Variants in E2F3 observed in about 807,000 individuals in gnomAD.
E2F3 encodes transcription factor E2F3.
E2F3 carries 11 observed loss-of-function variants against 44.4 expected under a neutral mutation model. The observed-to-expected ratio is 0.25, with a 90% confidence interval of 0.16 to 0.41. The LOEUF (loss-of-function observed/expected upper bound fraction) is 0.41, where lower values mean the gene tolerates loss of function less well. Among genes scored for constraint, E2F3 ranks in the 10% least tolerant of loss-of-function variants. E2F3 has a pLI of 1.00. For missense variants in E2F3, 487 were observed against 583.6 expected, an observed-to-expected ratio of 0.83 and a Z score of 1.70; for synonymous variants, 249 against 253.0, an observed-to-expected ratio of 0.98 and a Z score of 0.15.
At chr6:20,425,754 C>T (rs1760196481) in intron 1 of E2F3, among the ~76,000 whole-genome samples, 1 of 152,170 alleles carries the variant, frequency 6.6e-6, no homozygotes. Flanking sequence ...AGTGGAGGAA[C>T]AGAGGTCTCA....
intron 1 of E2F3, among the ~76,000 whole-genome samples, chr6:20,461,533 A>G (rs1428729099): frequency 6.6e-6 from 1 of 152,154 alleles, no homozygotes; most frequent in Admixed American, 6.5e-5. Context: ...TGTTTTTTCC[A>G]CTACATTTCC....
At chr6:20,436,623 C>G in intron 1 of E2F3, among the ~76,000 whole-genome samples, 1 of 152,278 alleles carries the variant, frequency 6.6e-6, no homozygotes, top group South Asian at 2.1e-4. Context: ...TCCTCTGTCT[C>G]TCTATGTTAG....
chr6:20,463,609 G>T (rs200225541), intron 1 of E2F3, among the ~76,000 whole-genome samples: 1 of 152,048 alleles, frequency 6.6e-6, no homozygotes, highest in Admixed American at 6.6e-5. Context: ...AAAGGTTTTC[G>T]CTGGGTATGT....
chr6:20,443,839 G>A (rs553181176), intron 1 of E2F3, among the ~76,000 whole-genome samples: 13 of 152,212 alleles, frequency 8.5e-5, no homozygotes, highest in African/African-American at 2.4e-4. Flanking sequence ...CATGTCTTCC[G>A]TCAAATTAAA....
intron 1 of E2F3, chr6:20,439,933 A>G (rs1760718899): frequency 6.6e-6 from 1 of 152,202 alleles, no homozygotes; most frequent in African/African-American, 2.4e-5. Context: ...TTTATGACCA[A>G]TATTGGTCTC....
chr6:20,431,113 G>T (rs1472941148), intron 1 of E2F3, among the ~76,000 whole-genome samples: 2 of 152,174 alleles, frequency 1.3e-5, no homozygotes, highest in Non-Finnish European at 2.9e-5. Flanking sequence ...GAATTCACAA[G>T]AGTGTGCTGA....
chr6:20,442,512 G>A (rs543648085), intron 1 of E2F3, among the ~76,000 whole-genome samples: 7 of 152,248 alleles, frequency 4.6e-5, no homozygotes, highest in East Asian at 1.9e-4. Flanking sequence ...TTATCCTTAC[G>A]TAGTTACAAG....
Position 20,486,765 on chromosome 6 carries a change from C to G in E2F3, c.961C>G (p.Pro321Ala). The G allele has an allele frequency of 6.2e-7, 1 of 1,613,424 alleles. No individual in the cohort carries two copies. The highest frequency in any genetic ancestry group is 1.7e-5 in the Admixed American group (1 of 59,844). The change falls in exon 5 of 7, where the codon CCT becomes GCT. Residue 321 changes from proline (P) to alanine (A), a missense_variant. Pro to Ala is a conservative substitution (Grantham distance 27, BLOSUM62 -1). Transcript: ENST00000346618. Reference sequence around the variant, plus strand: ...CCAAACTGTTATAGTTGTGAAAGCCCCTCCAGAAACAAGACTTGAAGTGCC... The same window carrying G: ...CCAAACTGTTATAGTTGTGAAAGCCGCTCCAGAAACAAGACTTGAAGTGCC... ...KDQTVIVVKA[P>A]PETRLEVPDS...
At chr6:20,488,925 C>T (rs1397155014) in intron 6 of E2F3, among the ~76,000 whole-genome samples, 2 of 151,828 alleles carry the variant, frequency 1.3e-5, no homozygotes, top group Admixed American at 6.6e-5. Flanking sequence ...ACCAGGGAGT[C>T]GGAGGTTGCA....
At chr6:20,455,412 T>C (rs990596125) in intron 1 of E2F3, among the ~76,000 whole-genome samples, 1 of 152,152 alleles carries the variant, frequency 6.6e-6, no homozygotes, top group African/African-American at 2.4e-5. Flanking sequence ...CCAACCCTCT[T>C]TGGAGACTCT....
chr6:20,460,205 A>G (rs1374851350), intron 1 of E2F3, among the ~76,000 whole-genome samples: 1 of 152,186 alleles, frequency 6.6e-6, no homozygotes, highest in Non-Finnish European at 1.5e-5. Flanking sequence ...GTTTGTTTTT[A>G]ACATGTGTAT....
At chr6:20,453,454 GC>G (rs1448726775) in intron 1 of E2F3, among the ~76,000 whole-genome samples, 1 of 151,960 alleles carries the variant, frequency 6.6e-6, no homozygotes, top group Non-Finnish European at 1.5e-5. Context: ...TCACTCTGTT[GC>G]CCAGACTGGA....
intron 1 of E2F3, among the ~76,000 whole-genome samples, chr6:20,430,489 T>G (rs1760364163): frequency 6.6e-6 from 1 of 152,198 alleles, no homozygotes; most frequent in Non-Finnish European, 1.5e-5. Context: ...GAAGGGAATT[T>G]AGAAAATTTG....
At chr6:20,420,118 T>A (rs1232127851) in intron 1 of E2F3, among the ~76,000 whole-genome samples, 1 of 152,192 alleles carries the variant, frequency 6.6e-6, no homozygotes, top group Non-Finnish European at 1.5e-5. Flanking sequence ...AAATTATTGC[T>A]GCTGCTACCA....
chr6:20,485,713 T>C (rs1278014580), intron 4 of E2F3, among the ~76,000 whole-genome samples: 1 of 152,226 alleles, frequency 6.6e-6, no homozygotes, highest in Non-Finnish European at 1.5e-5. Context: ...CACTGAAATA[T>C]TGATAGAGTT....
At chr6:20,478,424 T>G (rs1762114511) in intron 1 of E2F3, among the ~76,000 whole-genome samples, 3 of 152,232 alleles carry the variant, frequency 2.0e-5, no homozygotes, top group Admixed American at 2.0e-4. Context: ...GGTGCAGGGT[T>G]AGCTGGTAAC....
intron 1 of E2F3, among the ~76,000 whole-genome samples, chr6:20,412,363 C>T (rs1039635836): frequency 6.6e-6 from 1 of 151,992 alleles, no homozygotes; most frequent in Non-Finnish European, 1.5e-5. Flanking sequence ...GAGATTAAGA[C>T]ATGGATTTTT....
At chr6:20,465,388 A>G (rs1561874686) in intron 1 of E2F3, among the ~76,000 whole-genome samples, 1 of 152,210 alleles carries the variant, frequency 6.6e-6, no homozygotes, top group Non-Finnish European at 1.5e-5. Context: ...CCTTTGATCT[A>G]TCCAGCCTTC....
intron 1 of E2F3, among the ~76,000 whole-genome samples, chr6:20,474,807 C>T (rs777463377): frequency 3.3e-5 from 5 of 152,218 alleles, no homozygotes; most frequent in Non-Finnish European, 5.9e-5. Flanking sequence ...AATTATTGCA[C>T]CCATGTTCAG....
Sources: allele counts gnomAD v4.1 joint callset (sites outside exome capture counted in the v4.1 genomes callset), GRCh38; gene constraint gnomAD v4.1.1; transcripts MANE v1.5; gene names NCBI Gene and HGNC (gene_info 2026-07-23, HGNC 2026-07-21).